DNAH5: variants seen among roughly 807,000 people sequenced by gnomAD.
DNAH5 encodes dynein axonemal heavy chain 5, also known as axonemal beta dynein heavy chain 5.
DNAH5 carries 372 observed loss-of-function variants against 518.2 expected under a neutral mutation model. The ratio of observed to expected loss-of-function variants is 0.72; its 90% confidence interval spans 0.66 to 0.78. The LOEUF is 0.78. Ranked by LOEUF, DNAH5 falls within the 30% of genes least tolerant of loss-of-function variation. The pLI is 0.00. For missense variants in DNAH5, 5,523 were observed against 5,687.0 expected (o/e 0.97, Z 0.93); for synonymous variants, 2,039 against 2,025.9 (o/e 1.01, Z -0.17).
At chr5:13,780,522 A>G (rs900881597) in intron 53 of DNAH5, among the ~76,000 whole-genome samples, 1 of 152,200 alleles carries the variant, frequency 6.6e-6, no homozygotes, top group Admixed American at 6.5e-5. Context: ...CTGAATTAAC[A>G]CTCAACAGGG....
At position 13,847,134 on chromosome 5, in the gene DNAH5, G is replaced by A. The variant is rs149989325; in HGVS notation, c.5115-2141C>T. ...TCTTCACGGACACAGTCTGATTACC[G>A]CAACTCCGATTACGATCTGATCTGT... On this transcript the variant is annotated intron_variant, in intron 31 of 78. Coordinates refer to ENST00000265104, the MANE Select transcript of DNAH5 (RefSeq NM_001369.3). Among the ~76,000 whole-genome samples the A allele has an allele frequency of 4.4e-3, 668 of 152,224 alleles. 5 individuals are homozygous for A. Among genetic ancestry groups the A allele is most frequent in the African/African-American group, 0.015 (639 of 41,514 alleles).
intron 12 of DNAH5, among the ~76,000 whole-genome samples, chr5:13,903,921 T>C (rs1031807110): frequency 2.0e-5 from 3 of 152,092 alleles, no homozygotes; most frequent in Admixed American, 6.5e-5. Flanking sequence ...ACTAACAAGA[T>C]GCAAGAATAA....
At chr5:13,721,278 C>A in intron 70 of DNAH5, 33 bp from the exon 71 acceptor site, 2 of 1,613,692 alleles carry the variant, frequency 1.2e-6, no homozygotes, top group African/African-American at 1.3e-5. Context: ...CAGTAAAAGT[C>A]ATTCCAACTC....
intron 17 of DNAH5, among the ~76,000 whole-genome samples, chr5:13,890,762 A>C (rs985941424): frequency 1.3e-5 from 2 of 152,336 alleles, no homozygotes; most frequent in East Asian, 3.9e-4. Flanking sequence ...TACTGATCTG[A>C]AATGATGTGT....
intron 68 of DNAH5, among the ~76,000 whole-genome samples, chr5:13,731,469 G>A (rs1394861477): frequency 1.3e-5 from 2 of 152,180 alleles, no homozygotes; most frequent in African/African-American, 2.4e-5. Context: ...TGACTAACCT[G>A]CCGGCTCCCA....
At position 13,788,976 on chromosome 5, in the gene DNAH5, G is replaced by T. The variant is rs894449705; in HGVS notation, c.8449-62C>A. On this transcript the variant is annotated intron_variant, in intron 50 of 78. Coordinates refer to ENST00000265104, the MANE Select transcript of DNAH5 (RefSeq NM_001369.3). ...TGTTATGCCGTAATTGGGAATTCAG[G>T]TTGACAGTACTGTAGAGTATTATCC... is the stretch of plus-strand genomic sequence containing the variant. 8.9e-6 allele frequency: 13 copies of T among 1,455,688 alleles called. No homozygotes were observed. In the Admixed American group the frequency reaches 1.9e-4, roughly 21 times the overall value. 90.2% of individuals were successfully genotyped at this position (1,455,688 alleles called of 1,614,324 possible).
intron 71 of DNAH5, among the ~76,000 whole-genome samples, chr5:13,720,693 G>A (rs1744932578): frequency 6.6e-6 from 1 of 152,104 alleles, no homozygotes; most frequent in Non-Finnish European, 1.5e-5. Context: ...TCTTAGGTGA[G>A]AACTCTGATA....
intron 12 of DNAH5, among the ~76,000 whole-genome samples, chr5:13,907,256 C>T (rs1775425857): frequency 2.0e-5 from 3 of 152,232 alleles, no homozygotes; most frequent in Admixed American, 2.0e-4. Flanking sequence ...CATGCTGAAA[C>T]CCCATCTGTA....
chr5:13,829,577 T>A lies in DNAH5; in HGVS notation c.6377A>T (p.Asp2126Val). 1.2e-6 allele frequency: 2 copies of A among 1,614,192 alleles called. No individual in the cohort carries two copies. Among genetic ancestry groups the A allele is most frequent in the East Asian group, 2.2e-5 (1 of 44,876 alleles). ...RVKLASCGFI[D>V]NVVLARKFFT... is the part of the protein sequence containing the mutation. ...AAACTTCCTGGCCAAAACAACGTTG[T>A]CAATGAAGCCACAACTAGCCAACTT... is the stretch of plus-strand genomic sequence containing the variant. The change falls in exon 38 of 79, where the codon GAC becomes GTC. Residue 2126 changes from aspartate (D) to valine (V), a missense_variant. Asp to Val is a radical substitution (Grantham distance 152). This residue lies in a region of DNAH5 where 5,121 missense variants were observed against 5,223.3 expected (regional missense o/e 0.98). Coordinates refer to ENST00000265104, the MANE Select transcript of DNAH5 (RefSeq NM_001369.3).
intron 60 of DNAH5, 131 bp downstream of exon 60, chr5:13,762,591 C>T (rs917454643): frequency 2.6e-6 from 2 of 780,316 alleles, no homozygotes; most frequent in South Asian, 1.5e-5. Flanking sequence ...CCTTTCTATG[C>T]TCACTCTCCC....
At chr5:13,787,091 A>G (rs4701588) in intron 51 of DNAH5, among the ~76,000 whole-genome samples, 87,036 of 151,538 alleles carry the variant, frequency 0.57, 25,329 homozygotes, top group African/African-American at 0.67. Flanking sequence ...CTGGTGGTGT[A>G]TGCCTGTAGT....
intron 49 of DNAH5, 151 bp from the exon 50 acceptor site, chr5:13,792,368 T>C (rs1757136860): frequency 1.5e-6 from 1 of 659,176 alleles, no homozygotes; most frequent in African/African-American, 1.8e-5. Context: ...TGTTCTCTTG[T>C]TTTTTCAAAT....
At chr5:13,732,299 C>T (rs969105357) in intron 68 of DNAH5, among the ~76,000 whole-genome samples, 1 of 152,132 alleles carries the variant, frequency 6.6e-6, no homozygotes, top group Non-Finnish European at 1.5e-5. Context: ...GGTGAGAGCT[C>T]ACTTCTGGTT....
chr5:13,866,839 A>G (rs541824787), intron 25 of DNAH5, among the ~76,000 whole-genome samples: 1 of 152,286 alleles, frequency 6.6e-6, no homozygotes, highest in Admixed American at 6.5e-5. Flanking sequence ...TAAACTCTAT[A>G]TATTTCCCTT....
At chr5:13,906,538 T>C (rs929752579) in intron 12 of DNAH5, among the ~76,000 whole-genome samples, 2 of 152,192 alleles carry the variant, frequency 1.3e-5, no homozygotes, top group African/African-American at 4.8e-5. Flanking sequence ...AACACTACTC[T>C]TTTCAAGTAC....
chr5:13,751,678 C>G (rs532848400), intron 64 of DNAH5, among the ~76,000 whole-genome samples: 2 of 152,174 alleles, frequency 1.3e-5, no homozygotes, highest in South Asian at 4.2e-4. Context: ...CCAAACAGGT[C>G]CCAAAAACCG....
At chr5:13,898,276 C>T (rs1342717270) in intron 15 of DNAH5, 1 of 303,784 alleles carries the variant, frequency 3.3e-6, no homozygotes, top group East Asian at 5.4e-5. Flanking sequence ...TGTTTGTTGC[C>T]TGAAACAGAC....
intron 65 of DNAH5, 118 bp from the exon 66 acceptor site, chr5:13,737,613 C>T: frequency 9.0e-7 from 1 of 1,113,606 alleles, no homozygotes; most frequent in South Asian, 1.4e-5. Flanking sequence ...TCATAATCAA[C>T]TGCAGGAAAT....
intron 3 of DNAH5, among the ~76,000 whole-genome samples, chr5:13,926,137 G>A (rs915253899): frequency 1.3e-5 from 2 of 152,190 alleles, no homozygotes; most frequent in African/African-American, 2.4e-5. Flanking sequence ...GAACCCAGGT[G>A]GGGCCCCTGC....
Sources: allele counts gnomAD v4.1 joint callset (sites outside exome capture counted in the v4.1 genomes callset), GRCh38; gene constraint gnomAD v4.1.1; regional missense constraint gnomAD v4.1.1; transcripts MANE v1.5; gene names NCBI Gene and HGNC (gene_info 2026-07-23, HGNC 2026-07-21).